Variants in PCDH15 observed in about 807,000 individuals in gnomAD.
PCDH15 encodes protocadherin-15.
A neutral mutation model predicts 178.5 loss-of-function variants in PCDH15; 129 were observed. The observed-to-expected ratio is 0.72, with a 90% confidence interval of 0.63 to 0.84. The LOEUF (loss-of-function observed/expected upper bound fraction) is 0.84. Ranked by LOEUF, PCDH15 falls within the 40% of genes least tolerant of loss-of-function variation. The pLI is 0.00. For synonymous variants in PCDH15, 800 were observed against 732.0 expected, an observed-to-expected ratio of 1.09 and a Z score of -1.50; for missense variants, 2,230 against 2,099.9, an observed-to-expected ratio of 1.06 and a Z score of -1.21.
intron 2 of PCDH15, among the ~76,000 whole-genome samples, chr10:55,545,726 TAAGATTTAATTTCA>T (rs1306881742): frequency 2.0e-5 from 3 of 152,190 alleles, no homozygotes; most frequent in Non-Finnish European, 2.9e-5. Flanking sequence ...GCTCAGTTCT[TAAGATTTAATTTCA>T]TCTATCAGAA....
At chr10:55,457,909 T>C (rs993412655) in intron 2 of PCDH15, among the ~76,000 whole-genome samples, 2 of 152,106 alleles carry the variant, frequency 1.3e-5, no homozygotes, top group African/African-American at 4.8e-5. Flanking sequence ...GATTAGTATT[T>C]ATAAAGTAGC....
At chr10:54,260,575 G>T (rs1352509559) in intron 8 of PCDH15, among the ~76,000 whole-genome samples, 1 of 151,902 alleles carries the variant, frequency 6.6e-6, no homozygotes, top group Non-Finnish European at 1.5e-5. Context: ...TGATTTTTAT[G>T]CTTTTATGTT....
At chr10:55,054,180 C>G (rs768186073) in intron 2 of PCDH15, among the ~76,000 whole-genome samples, 5 of 152,126 alleles carry the variant, frequency 3.3e-5, no homozygotes, top group Non-Finnish European at 5.9e-5. Flanking sequence ...GTACCTTCCA[C>G]CCTCCACCCT....
chr10:55,501,936 T>C (rs900736423), intron 2 of PCDH15, among the ~76,000 whole-genome samples: 3 of 151,750 alleles, frequency 2.0e-5, no homozygotes, highest in Non-Finnish European at 2.9e-5. Flanking sequence ...GGCAACTTAC[T>C]ATATAGCCAA....
chr10:55,382,139 T>A (rs958115153), intron 2 of PCDH15, among the ~76,000 whole-genome samples: 1 of 152,202 alleles, frequency 6.6e-6, no homozygotes, highest in Non-Finnish European at 1.5e-5. Flanking sequence ...AAATTCCTAA[T>A]TGATACTAGC....
At position 53,908,825 on chromosome 10, in the gene PCDH15, A is replaced by G. The variant is rs528885713; in HGVS notation, c.3374-5455T>C. Among the ~76,000 whole-genome samples the G allele has an allele frequency of 2.6e-5, 4 of 152,330 alleles. No homozygotes were observed. In the South Asian group the frequency reaches 8.3e-4, roughly 32 times the overall value. On this transcript the variant is annotated intron_variant, in intron 25 of 37. Coordinates refer to ENST00000644397, the MANE Select transcript of PCDH15 (RefSeq NM_001384140.1). ...ATTTATAGATTCTTCAAACAGTCCT[A>G]TTGCAGAGAATTTTTTAAATGCTTG...
At chr10:54,480,301 AT>A (rs2078621652) in intron 3 of PCDH15, among the ~76,000 whole-genome samples, 1 of 152,098 alleles carries the variant, frequency 6.6e-6, no homozygotes, top group Admixed American at 6.6e-5. Context: ...AGTAGGAGAC[AT>A]TTAGTAGTTA....
intron 2 of PCDH15, among the ~76,000 whole-genome samples, chr10:54,613,803 T>C (rs1167304744): frequency 6.6e-6 from 1 of 151,662 alleles, no homozygotes; most frequent in Non-Finnish European, 1.5e-5. Context: ...AATGGTTTCA[T>C]TGATTATTGT....
At chr10:55,040,673 C>A (rs1394789285) in intron 2 of PCDH15, among the ~76,000 whole-genome samples, 1 of 152,140 alleles carries the variant, frequency 6.6e-6, no homozygotes, top group African/African-American at 2.4e-5. Context: ...CACACATACA[C>A]ACAATCTTTA....
At chr10:54,972,588 C>T (rs561970956) in intron 2 of PCDH15, among the ~76,000 whole-genome samples, 1 of 151,694 alleles carries the variant, frequency 6.6e-6, no homozygotes, top group Non-Finnish European at 1.5e-5. Flanking sequence ...GTGGCTCACG[C>T]CTGTAATCCC....
At chr10:55,272,102 A>G (rs1027413424) in intron 1 of PCDH15, among the ~76,000 whole-genome samples, 46 of 152,060 alleles carry the variant, frequency 3.0e-4, no homozygotes, top group Non-Finnish European at 4.3e-4. Context: ...CATTCCTTAT[A>G]CAAGAGTAGC....
intron 37 of PCDH15, among the ~76,000 whole-genome samples, chr10:53,810,192 C>T (rs939942546): frequency 6.6e-6 from 1 of 152,052 alleles, no homozygotes; most frequent in African/African-American, 2.4e-5. Flanking sequence ...TATATTTTTT[C>T]ATGACTTTTA....
chr10:53,855,696 G>A (rs1029551604), intron 28 of PCDH15, among the ~76,000 whole-genome samples: 1 of 151,486 alleles, frequency 6.6e-6, no homozygotes, highest in Non-Finnish European at 1.5e-5. Context: ...TTGCTAAAGA[G>A]GCAAATTGAC....
At chr10:55,416,879 G>C (rs78168676) in intron 2 of PCDH15, among the ~76,000 whole-genome samples, 2,099 of 151,838 alleles carry the variant, frequency 0.014, 45 homozygotes, top group African/African-American at 0.047. Flanking sequence ...CTTAATTTGT[G>C]AGTTTAATAA....
chr10:54,315,328 T>G (rs565506989), intron 8 of PCDH15, among the ~76,000 whole-genome samples: 2 of 152,332 alleles, frequency 1.3e-5, no homozygotes, highest in East Asian at 3.9e-4. Flanking sequence ...TGGCCACATG[T>G]ATGTATTCTT....
intron 2 of PCDH15, among the ~76,000 whole-genome samples, chr10:55,555,501 G>A (rs1842073117): frequency 6.6e-6 from 1 of 152,200 alleles, no homozygotes; most frequent in South Asian, 2.1e-4. Flanking sequence ...GTTATGTGGT[G>A]TAGTTTTCCT....
chr10:54,734,438 ACT>A (rs1396092531), intron 1 of PCDH15, among the ~76,000 whole-genome samples: 2 of 151,888 alleles, frequency 1.3e-5, no homozygotes, highest in Non-Finnish European at 2.9e-5. Context: ...CAATTGACAC[ACT>A]CATGCATTGC....
chr10:55,434,699 G>A (rs181385928), intron 2 of PCDH15, among the ~76,000 whole-genome samples: 2,642 of 151,284 alleles, frequency 0.017, 83 homozygotes, highest in African/African-American at 0.059. Flanking sequence ...TCTGCCTCCC[G>A]AGTTCAAGTG....
At chr10:54,082,760 TAA>T (rs59138402) in intron 16 of PCDH15, among the ~76,000 whole-genome samples, 49,140 of 134,734 alleles carry the variant, frequency 0.36, 8,734 homozygotes, top group Middle Eastern at 0.47. Flanking sequence ...TTCGTCAAAA[TAA>T]AAAAAAAAAA....
Sources: gnomAD v4.1 joint callset for allele counts (sites outside exome capture counted in the v4.1 genomes callset) on GRCh38, gnomAD v4.1.1 for gene constraint, MANE v1.5 for transcripts, NCBI Gene and HGNC (gene_info 2026-07-23, HGNC 2026-07-21) for gene names.